The following STK39 variants were observed in gnomAD, a reference collection of about 807,000 sequenced individuals.
STK39 encodes STE20/SPS1-related proline-alanine-rich protein kinase.
A neutral mutation model predicts 77.8 loss-of-function variants in STK39; 20 were observed. The ratio of observed to expected loss-of-function variants is 0.26; its 90% CI spans 0.18 to 0.37. The LOEUF (loss-of-function observed/expected upper bound fraction) is 0.37. STK39 is among the 10% of genes least tolerant of loss of function. STK39 has a pLI of 1.00. For synonymous variants in STK39, 246 were observed against 234.1 expected (o/e 1.05, Z -0.47); for missense variants, 479 against 656.5 (o/e 0.73, Z 2.95).
chr2:168,243,272 T>C (rs1313784980), intron 1 of STK39, among the ~76,000 whole-genome samples: 13 of 152,204 alleles, frequency 8.5e-5, no homozygotes, highest in African/African-American at 2.4e-5. Context: ...CCCAGGGCTA[T>C]TTACAATCTC....
chr2:168,052,759 G>C (rs1685430115), intron 14 of STK39, among the ~76,000 whole-genome samples: 1 of 152,182 alleles, frequency 6.6e-6, no homozygotes, highest in African/African-American at 2.4e-5. Flanking sequence ...ACAGCAAGCA[G>C]CTAAGGGAGG....
intron 1 of STK39, among the ~76,000 whole-genome samples, chr2:168,205,500 C>CTTAT (rs1689718544): frequency 6.6e-6 from 1 of 151,970 alleles, no homozygotes; most frequent in African/African-American, 2.4e-5. Context: ...AAATTACTTG[C>CTTAT]TATGGAAAAT....
chr2:168,097,746 A>C (rs1284886646), intron 10 of STK39, among the ~76,000 whole-genome samples: 2 of 152,214 alleles, frequency 1.3e-5, no homozygotes, highest in Non-Finnish European at 1.5e-5. Context: ...AAACAAAAAA[A>C]AAAAAAAGAA....
intron 10 of STK39, among the ~76,000 whole-genome samples, chr2:168,087,614 G>A (rs1175442688): frequency 1.3e-5 from 2 of 152,194 alleles, no homozygotes; most frequent in African/African-American, 4.8e-5. Context: ...CCCTGGGAAT[G>A]TTAGGCTTGC....
intron 12 of STK39, among the ~76,000 whole-genome samples, chr2:168,066,775 T>C (rs1308805410): frequency 2.6e-5 from 4 of 152,180 alleles, no homozygotes; most frequent in Non-Finnish European, 5.9e-5. Context: ...ACTGTGTAGG[T>C]GTAACCCTGA....
At chr2:168,016,893 T>A (rs1001098936) in intron 15 of STK39, 150 bp downstream of exon 15, 3 of 584,082 alleles carry the variant, frequency 5.1e-6, no homozygotes, top group Non-Finnish European at 8.6e-6. Context: ...TCCTTAGAAG[T>A]ATCAAAAGTC....
intron 8 of STK39, among the ~76,000 whole-genome samples, chr2:168,133,919 T>TA (rs1310293189): frequency 6.6e-6 from 1 of 152,146 alleles, no homozygotes; most frequent in African/African-American, 2.4e-5. Context: ...GCTGAGGTCC[T>TA]GCTGCCCATT....
At chr2:168,074,311 T>G (rs529240545) in intron 12 of STK39, among the ~76,000 whole-genome samples, 1 of 152,364 alleles carries the variant, frequency 6.6e-6, no homozygotes, top group Non-Finnish European at 1.5e-5. Flanking sequence ...TGTAAAATAT[T>G]TGGAGCTATT....
chr2:167,963,952 C>T (rs904493048), intron 17 of STK39, among the ~76,000 whole-genome samples: 4 of 152,112 alleles, frequency 2.6e-5, no homozygotes, highest in African/African-American at 7.2e-5. Context: ...TAAAATGTAC[C>T]TTAATGTACT....
chr2:167,995,519 A>C (rs1683815230), intron 16 of STK39, among the ~76,000 whole-genome samples: 1 of 152,252 alleles, frequency 6.6e-6, no homozygotes, highest in Admixed American at 6.5e-5. Flanking sequence ...CAAGCTTTCA[A>C]ACTCCCATAC....
chr2:167,990,855 G>T (rs1454782609), intron 16 of STK39, among the ~76,000 whole-genome samples: 2 of 152,184 alleles, frequency 1.3e-5, no homozygotes, highest in Non-Finnish European at 2.9e-5. Flanking sequence ...TTAGTCCTGT[G>T]ATAGGTGAAC....
At chr2:168,023,613 C>T (rs1684626447) in intron 14 of STK39, among the ~76,000 whole-genome samples, 1 of 152,202 alleles carries the variant, frequency 6.6e-6, no homozygotes, top group Admixed American at 6.5e-5. Flanking sequence ...TTCAGCCTCA[C>T]ATTACCGTCT....
intron 10 of STK39, among the ~76,000 whole-genome samples, chr2:168,091,627 T>A (rs1458833369): frequency 6.6e-6 from 1 of 152,178 alleles, no homozygotes; most frequent in Non-Finnish European, 1.5e-5. Context: ...TGTGTCAAAA[T>A]GAGAGAAAAA....
Position 168,016,387 on chromosome 2 carries a change from CAAAAAAAAAAAAA to C in STK39, c.1429+643_1429+655del, listed in dbSNP as rs869084308. Among the ~76,000 whole-genome samples the C allele has an allele frequency of 4.1e-4, 27 of 65,686 alleles. 1 individual carries two copies. The highest frequency in any genetic ancestry group is 1.7e-3 in the Admixed American group (8 of 4,798). The allele number at this position is 65,686 out of a possible 152,430, so 43.1% of individuals were successfully genotyped here. ...TTTTGTTTGGCTGGTGGCCTTTGTT[CAAAAAAAAAAAAA>C]AAAAAAAAAAAAACAACACTACTGA... On this transcript the variant is annotated intron_variant, in intron 15 of 17. Coordinates refer to ENST00000355999, the MANE Select transcript of STK39 (RefSeq NM_013233.3).
chr2:168,132,431 C>A (rs1411328016), intron 8 of STK39, among the ~76,000 whole-genome samples: 1 of 152,126 alleles, frequency 6.6e-6, no homozygotes, highest in African/African-American at 2.4e-5. Context: ...TTTATCTATC[C>A]TGATGCATTT....
intron 3 of STK39, among the ~76,000 whole-genome samples, chr2:168,165,699 G>A (rs1395643323): frequency 1.3e-5 from 2 of 151,542 alleles, no homozygotes; most frequent in South Asian, 2.1e-4. Flanking sequence ...GCTCCCCACC[G>A]AGACCTACAC....
intron 16 of STK39, among the ~76,000 whole-genome samples, chr2:167,966,052 T>G (rs757290719): frequency 1.3e-5 from 2 of 152,196 alleles, no homozygotes; most frequent in Non-Finnish European, 1.5e-5. Flanking sequence ...CTTTTAATAC[T>G]TCCATTCTGA....
At position 168,229,582 on chromosome 2, in the gene STK39, G is replaced by A. The variant is rs544229284; in HGVS notation, c.208+17646C>T. Reference sequence around the variant, plus strand: ...AATTCTTTTTGAAAAACTGTGAAACGGGGAATAAAATATTGCTGGATTGAC... The same window carrying A: ...AATTCTTTTTGAAAAACTGTGAAACAGGGAATAAAATATTGCTGGATTGAC... On this transcript the variant is annotated intron_variant, in intron 1 of 17. Transcript: ENST00000355999. Among the ~76,000 whole-genome samples, 8 of 152,114 alleles carry A rather than the reference G, an allele frequency of 5.3e-5. No homozygotes were observed. The East Asian group carries it at 1.4e-3, about 26-fold the overall frequency.
chr2:168,117,824 C>T (rs199820985), intron 10 of STK39, among the ~76,000 whole-genome samples: 2 of 152,110 alleles, frequency 1.3e-5, no homozygotes, highest in East Asian at 3.9e-4. Flanking sequence ...TCCCTTACCT[C>T]CAAGTGATGT....
Sources: gnomAD v4.1 joint callset for allele counts (sites outside exome capture counted in the v4.1 genomes callset) on GRCh38, gnomAD v4.1.1 for gene constraint, MANE v1.5 for transcripts, NCBI Gene and HGNC (gene_info 2026-07-23, HGNC 2026-07-21) for gene names.